The following PHF12 variants were observed in gnomAD, a reference collection of about 807,000 sequenced individuals.
PHF12 encodes PHD finger protein 12.
A neutral mutation model predicts 99.8 loss-of-function variants in PHF12; 6 were observed. That is an observed-to-expected ratio of 0.06 (90% confidence interval 0.03 to 0.12). The LOEUF is 0.12. Among genes scored for constraint, PHF12 ranks in the 10% least tolerant of loss-of-function variants. The pLI, the probability that PHF12 is intolerant of heterozygous loss-of-function variation, is 1.00. For missense variants in PHF12, 954 were observed against 1,300.1 expected, an observed-to-expected ratio of 0.73 and a Z score of 4.09; for synonymous variants, 480 against 514.9, an observed-to-expected ratio of 0.93 and a Z score of 0.92.
chr17:28,906,891 G>A lies in PHF12; in HGVS notation c.2645C>T (p.Pro882Leu), dbSNP rs773321692. The change falls in exon 14 of 15, where the codon CCA becomes CTA. Residue 882 changes from proline (P) to leucine (L), a missense_variant. Transcript: ENST00000332830. This position sits in a 1 kb window ranked among gnomAD's most constrained non-coding sequence, Gnocchi z 4.2. ...DFSEKTPPTP[P>L]SSIVAKVQSV... ...CTGCACTTTGGCAACAATACTGCTT[G>A]GGGGGGTTGGCGGGGTCTTCTCCGA... 32 of 1,610,964 alleles carry A rather than the reference G, an allele frequency of 2.0e-5. No homozygotes were observed. The highest frequency in any genetic ancestry group is 2.6e-5 in the Non-Finnish European group (31 of 1,178,554).
Position 28,911,157 on chromosome 17 carries a change from C to A in PHF12, c.2170G>T (p.Val724Leu), listed in dbSNP as rs745606155. The change falls in exon 10 of 15, where the codon GTG becomes TTG. Residue 724 changes from valine to leucine, a missense_variant. Around this residue, in one of 8 missense-constraint regions of PHF12, gnomAD observed 143 missense variants for 191.8 expected, o/e 0.75. Transcript: ENST00000332830. ...GCTCGAAGTGAGTTGGTGAGGTCCA[C>A]CATGGCAGTAGAGTTGGCTGGGAAA... ...PSFPANSTAM[V>L]DLTNSLRAFM... The A allele has an allele frequency of 1.1e-5, 18 of 1,614,072 alleles. No homozygotes were observed. In the Admixed American group the frequency reaches 3.0e-4, roughly 27 times the overall value.
intron 2 of PHF12, among the ~76,000 whole-genome samples, chr17:28,939,987 G>C (rs2040584466): frequency 6.6e-6 from 1 of 152,200 alleles, no homozygotes. Flanking sequence ...CTACATTCAG[G>C]CACGGAGTTG....
At chr17:28,944,338 A>C (rs943723824) in intron 2 of PHF12, among the ~76,000 whole-genome samples, 2 of 152,370 alleles carry the variant, frequency 1.3e-5, no homozygotes, top group African/African-American at 4.8e-5. Context: ...TAACAGTACT[A>C]CTAAGTACTT....
At chr17:28,910,126 T>G in intron 11 of PHF12, 100 bp downstream of exon 11, 173 of 1,531,814 alleles carry the variant, frequency 1.1e-4, no homozygotes, top group Middle Eastern at 1.7e-4. Flanking sequence ...CAAGGAGGTT[T>G]GAGATACTGG....
intron 2 of PHF12, among the ~76,000 whole-genome samples, chr17:28,928,501 A>C (rs1042909267): frequency 2.0e-5 from 3 of 152,168 alleles, no homozygotes; most frequent in Non-Finnish European, 4.4e-5. Flanking sequence ...GACTAGGACA[A>C]TGATTGGATC....
At chr17:28,928,973 G>A (rs575048266) in intron 2 of PHF12, among the ~76,000 whole-genome samples, 2 of 151,754 alleles carry the variant, frequency 1.3e-5, no homozygotes, top group Non-Finnish European at 2.9e-5. Flanking sequence ...GCACGCGCCT[G>A]TAGTCCCAGC....
At position 28,951,379 on chromosome 17, in the gene PHF12, G is replaced by A. The variant is rs998355399; in HGVS notation, c.-419C>T. The A allele has an allele frequency of 2.1e-6, 2 of 935,458 alleles. No homozygotes were observed. Among genetic ancestry groups the A allele is most frequent in the Non-Finnish European group, 2.6e-6 (2 of 783,072 alleles). 57.9% of individuals were successfully genotyped at this position (935,458 alleles called of 1,614,324 possible). A position where few individuals can be genotyped will look rare whatever the true frequency, so the allele number is the denominator to read the frequency against. On this transcript the variant is annotated 5_prime_UTR_variant, in exon 1 of 15. Coordinates refer to ENST00000332830, the MANE Select transcript of PHF12 (RefSeq NM_001033561.2). ...TTGTGGTACGTGAGGTGACTGGGGG[G>A]AGGGTGATGGGGGGTGGTCCCCGGG...
chr17:28,946,598 G>A (rs1034633308), intron 2 of PHF12, among the ~76,000 whole-genome samples: 1 of 152,194 alleles, frequency 6.6e-6, no homozygotes, highest in African/African-American at 2.4e-5. Context: ...AGACTGGCAA[G>A]GAATACTAGA....
At chr17:28,941,099 T>C (rs1335487891) in intron 2 of PHF12, among the ~76,000 whole-genome samples, 3 of 151,120 alleles carry the variant, frequency 2.0e-5, no homozygotes, top group Middle Eastern at 3.4e-3. Context: ...AAAACTTGAA[T>C]GCATTTCCAG....
chr17:28,950,753 G>C lies in PHF12; in HGVS notation c.66+142C>G. The C allele has an allele frequency of 8.1e-7, 1 of 1,231,424 alleles. No individual in the cohort carries two copies. Among genetic ancestry groups the C allele is most frequent in the Non-Finnish European group, 1.1e-6 (1 of 915,128 alleles). 76.3% of individuals were successfully genotyped at this position (1,231,424 alleles called of 1,614,324 possible). A position where few individuals can be genotyped will look rare whatever the true frequency, so the allele number is the denominator to read the frequency against. On this transcript the variant is annotated intron_variant, in intron 1 of 14. Coordinates refer to ENST00000332830, the MANE Select transcript of PHF12 (RefSeq NM_001033561.2). This position sits in a 1 kb window ranked among gnomAD's most constrained non-coding sequence, Gnocchi z 5.7. ...TGAGCTCAGCCCCCTAAATTGCAAA[G>C]AGGGGAGGGAGAGGCTAGGTGAGGA...
chr17:28,924,839 T>C (rs950239308), intron 3 of PHF12: 5 of 160,936 alleles, frequency 3.1e-5, no homozygotes, highest in African/African-American at 9.7e-5. Flanking sequence ...TAATCCCAGC[T>C]ACTCAGGAGG....
chr17:28,911,008 G>T, intron 10 of PHF12, 104 bp downstream of exon 10: 1 of 1,520,254 alleles, frequency 6.6e-7, no homozygotes, highest in South Asian at 1.3e-5. Context: ...AGGCCTCTGG[G>T]ATCAGGTGTC....
chr17:28,923,538 G>A (rs1354904678), intron 4 of PHF12, among the ~76,000 whole-genome samples: 1 of 149,224 alleles, frequency 6.7e-6, no homozygotes, highest in African/African-American at 2.5e-5. Context: ...TGCGCCTGTA[G>A]TCCCAGCTAC....
intron 2 of PHF12, among the ~76,000 whole-genome samples, chr17:28,936,260 A>G (rs1407063088): frequency 6.6e-6 from 1 of 152,306 alleles, no homozygotes; most frequent in Non-Finnish European, 1.5e-5. Flanking sequence ...GCTCCACAGC[A>G]CCATGTTAAT....
intron 9 of PHF12, chr17:28,911,473 C>T (rs2039959754): frequency 1.9e-6 from 1 of 515,538 alleles, no homozygotes; most frequent in Non-Finnish European, 3.4e-6. Flanking sequence ...CACTGAAATC[C>T]ACTGCTCTGG....
chr17:28,915,015 C>T (rs1888088151), intron 7 of PHF12, among the ~76,000 whole-genome samples: 1 of 152,160 alleles, frequency 6.6e-6, no homozygotes, highest in African/African-American at 2.4e-5. Context: ...AGAAATATTA[C>T]AACACAAGGT....
rs1400986995 is a variant in PHF12, at chr17:28,951,477, C to T, written c.-517G>A. ...TTGGCGCAAACTTACCGCGAGCGCC[C>T]GCAAAGCCACCCGCGCAGGCGCCCC... On this transcript the variant is annotated 5_prime_UTR_variant, in exon 1 of 15. Transcript: ENST00000332830. The T allele has an allele frequency of 1.3e-5, 13 of 985,354 alleles. No homozygotes were observed. Among genetic ancestry groups the T allele is most frequent in the African/African-American group, 1.7e-5 (1 of 57,230 alleles). The allele number at this position is 985,354 out of a possible 1,614,324, so 61.0% of individuals were successfully genotyped here. A position where few individuals can be genotyped will look rare whatever the true frequency, so the allele number is the denominator to read the frequency against.
chr17:28,923,651 C>CAAAAAAAAAAAAAAAAAAAAAAAAAAAAA (rs1491183033), intron 4 of PHF12, among the ~76,000 whole-genome samples: 8 of 21,970 alleles, frequency 3.6e-4, no homozygotes, highest in African/African-American at 9.2e-4. Flanking sequence ...AAGTGAGACT[C>CAAAAAAAAAAAAAAAAAAAAAAAAAAAAA]ACAAAAAAAA....
intron 4 of PHF12, 68 bp from the exon 5 acceptor site, chr17:28,921,876 A>G: frequency 6.3e-7 from 1 of 1,595,560 alleles, no homozygotes; most frequent in Non-Finnish European, 8.5e-7. Flanking sequence ...ATATGGAAAC[A>G]ACATTAAGTG....
Sources: allele counts gnomAD v4.1 joint callset (sites outside exome capture counted in the v4.1 genomes callset), GRCh38; gene constraint gnomAD v4.1.1; regional missense constraint gnomAD v4.1.1; non-coding constraint Gnocchi (gnomAD v3.1); transcripts MANE v1.5; gene names NCBI Gene and HGNC (gene_info 2026-07-23, HGNC 2026-07-21).